The following CCDC91 variants were observed in gnomAD, a reference collection of about 807,000 sequenced individuals.
The protein encoded by CCDC91 is coiled-coil domain containing 91.
CCDC91 carries 48 observed loss-of-function variants against 63.2 expected under a neutral mutation model. The observed-to-expected ratio is 0.76, with a 90% CI of 0.60 to 0.97. The LOEUF (loss-of-function observed/expected upper bound fraction) is 0.97, where lower values mean the gene tolerates loss of function less well. Ranked by LOEUF, CCDC91 falls within the 50% of genes least tolerant of loss-of-function variation. CCDC91 has a pLI of 0.00. For missense variants in CCDC91, 500 were observed against 494.6 expected, an observed-to-expected ratio of 1.01 and a Z score of -0.10; for synonymous variants, 167 against 165.8, an observed-to-expected ratio of 1.01 and a Z score of -0.06.
intron 8 of CCDC91, among the ~76,000 whole-genome samples, chr12:28,407,139 C>T (rs1385512314): frequency 6.6e-6 from 1 of 152,128 alleles, no homozygotes; most frequent in East Asian, 1.9e-4. Flanking sequence ...GCTTGCTCCC[C>T]CTTTGCTTTT....
chr12:28,505,272 T>A (rs1191854400), intron 12 of CCDC91: 1 of 151,918 alleles, frequency 6.6e-6, no homozygotes, highest in Admixed American at 6.6e-5. Context: ...TACCCTGCAC[T>A]GAAATCCCAT....
At chr12:28,434,062 A>G (rs4244844) in intron 8 of CCDC91, among the ~76,000 whole-genome samples, 59,098 of 151,550 alleles carry the variant, frequency 0.39, 11,986 homozygotes, top group Middle Eastern at 0.48. Context: ...CACCCTTACT[A>G]TAATTCCGTA....
At chr12:28,360,012 A>G (rs1943774285) in intron 6 of CCDC91, among the ~76,000 whole-genome samples, 1 of 152,164 alleles carries the variant, frequency 6.6e-6, no homozygotes, top group Non-Finnish European at 1.5e-5. Context: ...AGGTTAATGG[A>G]TTTAGTTATT....
chr12:28,541,783 G>C (rs901759333), intron 12 of CCDC91, among the ~76,000 whole-genome samples: 7 of 151,894 alleles, frequency 4.6e-5, no homozygotes, highest in African/African-American at 1.7e-4. Context: ...TATGTGGCCT[G>C]TTATATTAAG....
At chr12:28,351,576 G>C (rs1159242334) in intron 6 of CCDC91, among the ~76,000 whole-genome samples, 1 of 152,052 alleles carries the variant, frequency 6.6e-6, no homozygotes, top group East Asian at 1.9e-4. Context: ...TGCCATCTGT[G>C]CCTGTGGCTC....
At chr12:28,387,553 C>T (rs1345412683) in intron 7 of CCDC91, among the ~76,000 whole-genome samples, 1 of 152,058 alleles carries the variant, frequency 6.6e-6, no homozygotes, top group Non-Finnish European at 1.5e-5. Flanking sequence ...CTACCCTTTC[C>T]CCCAAGTCCC....
At chr12:28,284,608 G>T (rs188991703) in intron 3 of CCDC91, among the ~76,000 whole-genome samples, 1 of 151,500 alleles carries the variant, frequency 6.6e-6, no homozygotes, top group African/African-American at 2.4e-5. Context: ...AGCCGAGATC[G>T]CGCCATTGCT....
chr12:28,537,458 T>A (rs1210598001), intron 12 of CCDC91, among the ~76,000 whole-genome samples: 1 of 152,220 alleles, frequency 6.6e-6, no homozygotes, highest in Non-Finnish European at 1.5e-5. Context: ...TGTTCTCAAC[T>A]TCTCAAGCTG....
rs754819252 is a variant in CCDC91, at chr12:28,306,778, C to G, written c.304C>G (p.Leu102Val). ...QSTHTHLDIS[L>V]FPLGLTDEKS... ...AACACACACTCATCTGGATATCTCA[C>G]TTTTTCCATTGGGTTTAACTGATGA... Residue 102 changes from leucine (L) to valine (V), a missense_variant, in exon 5 of 13, where the codon CTT (leucine) becomes GTT (valine). Leu to Val is a conservative substitution (Grantham distance 32). Transcript: ENST00000536442. 7 of 1,611,284 alleles carry G rather than the reference C, an allele frequency of 4.3e-6. No homozygotes were observed. Among genetic ancestry groups the G allele is most frequent in the Non-Finnish European group, 5.1e-6 (6 of 1,178,218 alleles).
chr12:28,486,652 C>T (rs1951744350), intron 12 of CCDC91, among the ~76,000 whole-genome samples: 1 of 152,084 alleles, frequency 6.6e-6, no homozygotes, highest in East Asian at 1.9e-4. Flanking sequence ...TAAGAGATAT[C>T]TGTTCCCCAC....
At chr12:28,273,322 C>A (rs190065718) in intron 3 of CCDC91, among the ~76,000 whole-genome samples, 1 of 152,224 alleles carries the variant, frequency 6.6e-6, no homozygotes. Context: ...GTCTTTATAG[C>A]AGCATGATTT....
chr12:28,490,908 A>G (rs1210297928), intron 12 of CCDC91, among the ~76,000 whole-genome samples: 2 of 135,112 alleles, frequency 1.5e-5, no homozygotes, highest in East Asian at 4.1e-4. Context: ...TGGTGAGATG[A>G]CCCTATTTGT....
chr12:28,330,160 T>C (rs1941376220), intron 6 of CCDC91, among the ~76,000 whole-genome samples: 1 of 152,162 alleles, frequency 6.6e-6, no homozygotes, highest in Non-Finnish European at 1.5e-5. Flanking sequence ...CAAATGCTAT[T>C]TCTAGTTCTA....
intron 1 of CCDC91, among the ~76,000 whole-genome samples, chr12:28,215,711 A>G (rs1197609248): frequency 6.6e-6 from 1 of 152,164 alleles, no homozygotes; most frequent in Non-Finnish European, 1.5e-5. Flanking sequence ...TATAGTAAAT[A>G]TTTTAGAAAG....
intron 1 of CCDC91, among the ~76,000 whole-genome samples, chr12:28,203,756 C>T (rs566287257): frequency 2.0e-5 from 3 of 152,224 alleles, no homozygotes; most frequent in African/African-American, 7.2e-5. Context: ...ATGGTGCAGA[C>T]ATAGAACATT....
chr12:28,346,515 C>T (rs1942821399), intron 6 of CCDC91, among the ~76,000 whole-genome samples: 1 of 152,114 alleles, frequency 6.6e-6, no homozygotes, highest in African/African-American at 2.4e-5. Context: ...GAAACTCTAA[C>T]CGTCCCTTCA....
At chr12:28,460,338 C>T (rs566619559) in intron 11 of CCDC91, among the ~76,000 whole-genome samples, 100 of 152,050 alleles carry the variant, frequency 6.6e-4, no homozygotes, top group African/African-American at 2.0e-3. Context: ...TTTTTCCCCT[C>T]AAGTCAATTT....
At position 28,259,366 on chromosome 12, in the gene CCDC91, T is replaced by C; in HGVS notation, c.33T>C (p.Ala11=). 1 of 1,610,666 alleles carries C rather than the reference T, an allele frequency of 6.2e-7. No individual in the cohort carries two copies. The highest frequency in any genetic ancestry group is 8.5e-7 in the Non-Finnish European group (1 of 1,177,344). ...ATAATCTTGCCTTTGTCTTGTAGGC[T>C]GCGGAGACTTTTGATGGTGGAAGTG... is the stretch of plus-strand genomic sequence containing the variant. MDDDDFGGFE[A]AETFDGGSGE... The change falls in exon 3 of 13, where the codon GCT becomes GCC. Residue 11 remains alanine, a splice_region_variant and synonymous_variant. Coordinates refer to ENST00000536442, the MANE Select transcript of CCDC91 (RefSeq NM_018318.5).
intron 7 of CCDC91, among the ~76,000 whole-genome samples, chr12:28,373,610 A>G (rs913580615): frequency 8.4e-5 from 3 of 35,620 alleles, no homozygotes; most frequent in African/African-American, 8.5e-5. Flanking sequence ...ACAAGTTTCT[A>G]TACATTTTTT....
Sources: gnomAD v4.1 joint callset for allele counts (sites outside exome capture counted in the v4.1 genomes callset) on GRCh38, gnomAD v4.1.1 for gene constraint, MANE v1.5 for transcripts, NCBI Gene and HGNC (gene_info 2026-07-23, HGNC 2026-07-21) for gene names.